The following DAB1 variants were observed in gnomAD, a reference collection of about 807,000 sequenced individuals.
DAB1 encodes disabled homolog 1.
In DAB1, 15 loss-of-function variants were observed where a neutral mutation model predicts 64.6. That is an observed-to-expected ratio of 0.23 (90% confidence interval 0.16 to 0.36). DAB1 has a LOEUF of 0.36. DAB1 is among the 10% of genes least tolerant of loss of function. DAB1 has a pLI of 1.00. For missense variants in DAB1, 596 were observed against 706.7 expected (o/e 0.84, Z 1.78); for synonymous variants, 235 against 251.9 (o/e 0.93, Z 0.64).
At chr1:57,518,239 A>G (rs925476389) in intron 7 of DAB1, among the ~76,000 whole-genome samples, 4 of 152,112 alleles carry the variant, frequency 2.6e-5, no homozygotes, top group East Asian at 1.9e-4. Context: ...CTGATTCTCA[A>G]TGATCTCACA....
At chr1:58,514,537 T>C (rs1646130153) in intron 2 of DAB1, among the ~76,000 whole-genome samples, 1 of 152,172 alleles carries the variant, frequency 6.6e-6, no homozygotes, top group South Asian at 2.1e-4. Flanking sequence ...ATCCTGACAC[T>C]GAATGAATCT....
intron 1 of DAB1, among the ~76,000 whole-genome samples, chr1:57,315,571 C>T (rs1314540705): frequency 5.3e-5 from 8 of 152,106 alleles, no homozygotes; most frequent in African/African-American, 9.7e-5. Context: ...GGTGCGATCT[C>T]GGCTCACTGA....
intron 2 of DAB1, among the ~76,000 whole-genome samples, chr1:58,514,935 C>T (rs1646136873): frequency 6.6e-6 from 1 of 152,120 alleles, no homozygotes; most frequent in Non-Finnish European, 1.5e-5. Context: ...TTTACCTATA[C>T]CTCACAGGGT....
At chr1:58,378,042 A>G (rs1644346702) in intron 3 of DAB1, among the ~76,000 whole-genome samples, 1 of 139,464 alleles carries the variant, frequency 7.2e-6, no homozygotes, top group Admixed American at 7.1e-5. Context: ...AGCTCCTTTA[A>G]GCACTTCTCT....
rs544643251 is a variant in DAB1, at chr1:57,091,888, C to T, written c.307-19474G>A. 1.5e-3 allele frequency among the ~76,000 whole-genome samples: 229 copies of T among 152,182 alleles called. 1 individual carries two copies. The highest frequency in any genetic ancestry group is 5.2e-3 in the South Asian group (25 of 4,822). On this transcript the variant is annotated intron_variant, in intron 4 of 14. Coordinates refer to ENST00000371236, the MANE Select transcript of DAB1 (RefSeq NM_001365792.1). The stretch of plus-strand genomic sequence containing the variant: ...GTTTTTGTTTCTTTTTGAATATGTA[C>T]CTTCTCCTACAGTTGAGAGCACTCC...
intron 7 of DAB1, among the ~76,000 whole-genome samples, chr1:57,492,125 G>A (rs1441709958): frequency 9.2e-5 from 14 of 152,222 alleles, no homozygotes. Context: ...AGTTGACAAA[G>A]AAAAGACATG....
At chr1:58,106,237 G>A (rs1353445499) in intron 5 of DAB1, among the ~76,000 whole-genome samples, 1 of 151,230 alleles carries the variant, frequency 6.6e-6, no homozygotes, top group East Asian at 1.9e-4. Flanking sequence ...GAGTGCAGTG[G>A]TAGGATCATG....
intron 9 of DAB1, among the ~76,000 whole-genome samples, chr1:57,030,518 T>C (rs1646934346): frequency 6.6e-6 from 1 of 152,226 alleles, no homozygotes; most frequent in African/African-American, 2.4e-5. Flanking sequence ...TAGGTGGTAA[T>C]GGAAGCAGTT....
chr1:57,887,910 G>A (rs755080102), upstream of DAB1, among the ~76,000 whole-genome samples: 4 of 152,132 alleles, frequency 2.6e-5, no homozygotes, highest in East Asian at 3.9e-4. Context: ...TTAAATGTGC[G>A]GGTGTCTCAG....
At chr1:57,024,376 T>A (rs1419219969) in intron 10 of DAB1, among the ~76,000 whole-genome samples, 2 of 152,142 alleles carry the variant, frequency 1.3e-5, no homozygotes, top group African/African-American at 4.8e-5. Flanking sequence ...ACATCAGTAC[T>A]CATAATTTTG....
chr1:57,304,433 T>C (rs941128443), intron 1 of DAB1, among the ~76,000 whole-genome samples: 1 of 148,762 alleles, frequency 6.7e-6, no homozygotes, highest in Admixed American at 6.8e-5. Flanking sequence ...ACTATACCAC[T>C]GTTATCTGGT....
chr1:57,735,693 T>C (rs771583866), intron 6 of DAB1, among the ~76,000 whole-genome samples: 16 of 151,616 alleles, frequency 1.1e-4, no homozygotes, highest in Non-Finnish European at 1.6e-4. Flanking sequence ...CCTGGTATAG[T>C]TGAAAAAAAT....
chr1:57,768,822 A>C (rs990149350), intron 6 of DAB1, among the ~76,000 whole-genome samples: 6 of 152,276 alleles, frequency 3.9e-5, no homozygotes, highest in Non-Finnish European at 8.8e-5. Context: ...ATGAGCAATA[A>C]AGATTTTACT....
At chr1:57,293,706 G>A (rs1216819825) in intron 1 of DAB1, among the ~76,000 whole-genome samples, 1 of 152,126 alleles carries the variant, frequency 6.6e-6, no homozygotes. Flanking sequence ...GACACAGTAG[G>A]TACCTAATCT....
At chr1:57,877,782 T>C (rs1644075150) in intron 1 of DAB1, among the ~76,000 whole-genome samples, 1 of 25,830 alleles carries the variant, frequency 3.9e-5, no homozygotes, top group Non-Finnish European at 7.6e-5. Context: ...GTCAGGATGG[T>C]CTCGATCTCC....
chr1:57,830,074 T>C (rs889772217), intron 1 of DAB1, among the ~76,000 whole-genome samples: 1 of 152,152 alleles, frequency 6.6e-6, no homozygotes, highest in Admixed American at 6.5e-5. Context: ...TGCTATCTTG[T>C]GAAGATGAGG....
chr1:58,096,332 C>A (rs752585242), intron 5 of DAB1, among the ~76,000 whole-genome samples: 4 of 152,090 alleles, frequency 2.6e-5, no homozygotes, highest in Non-Finnish European at 5.9e-5. Flanking sequence ...AGAAACCAGA[C>A]AATCAGGATT....
chr1:58,311,577 C>T (rs993467844), intron 4 of DAB1, among the ~76,000 whole-genome samples: 1 of 152,094 alleles, frequency 6.6e-6, no homozygotes, highest in South Asian at 2.1e-4. Context: ...GTGCAGAAAT[C>T]CTGCCTTGGC....
intron 4 of DAB1, among the ~76,000 whole-genome samples, chr1:58,330,553 A>C (rs1436711048): frequency 1.3e-5 from 2 of 152,246 alleles, no homozygotes; most frequent in Non-Finnish European, 2.9e-5. Flanking sequence ...ATACAGAAGA[A>C]AAGTCAATGC....
Sources: allele counts gnomAD v4.1 joint callset (sites outside exome capture counted in the v4.1 genomes callset), GRCh38; gene constraint gnomAD v4.1.1; transcripts MANE v1.5; gene names NCBI Gene and HGNC (gene_info 2026-07-23, HGNC 2026-07-21).